SEMA3D: variants seen among roughly 807,000 people sequenced by gnomAD.
SEMA3D encodes the protein semaphorin-3D.
SEMA3D carries 84 observed loss-of-function variants against 100.1 expected under a neutral mutation model. The observed-to-expected ratio is 0.84, with a 90% CI of 0.70 to 1.01. The LOEUF is 1.01. Among genes scored for constraint, SEMA3D ranks in the 50% least tolerant of loss-of-function variants. The probability of loss-of-function intolerance (pLI) is 0.00; values close to 1 mark genes in which losing one functional copy is unlikely to be tolerated. For missense variants in SEMA3D, 875 were observed against 934.1 expected, an observed-to-expected ratio of 0.94 and a Z score of 0.82; for synonymous variants, 312 against 320.7, an observed-to-expected ratio of 0.97 and a Z score of 0.29.
chr7:85,189,473 A>G (rs1791646192), upstream of SEMA3D, among the ~76,000 whole-genome samples: 1 of 152,112 alleles, frequency 6.6e-6, no homozygotes, highest in Admixed American at 6.6e-5. Flanking sequence ...ACCCAGTGGG[A>G]AAAAAAGTAT....
At chr7:85,084,999 T>G (rs1788176361) in intron 4 of SEMA3D, among the ~76,000 whole-genome samples, 1 of 152,184 alleles carries the variant, frequency 6.6e-6, no homozygotes, top group African/African-American at 2.4e-5. Context: ...CTGGGTAGTA[T>G]TCCATAGTGT....
the SEMA3D span, among the ~76,000 whole-genome samples, chr7:85,244,602 T>G: frequency 6.2e-4 from 95 of 152,092 alleles, 1 homozygote; most frequent in African/African-American, 2.2e-3. Flanking sequence ...CAGTCTAAAG[T>G]AGGAAGCAAA....
chr7:85,079,977 T>C (rs1185624771), intron 5 of SEMA3D, among the ~76,000 whole-genome samples: 1 of 152,190 alleles, frequency 6.6e-6, no homozygotes, highest in African/African-American at 2.4e-5. Flanking sequence ...AGGAGAAGAA[T>C]ACATTACAGA....
At position 85,071,448 on chromosome 7, in the gene SEMA3D, CA is replaced by C. The variant is rs559598518; in HGVS notation, c.495+1513del. Among the ~76,000 whole-genome samples, 10 of 152,282 alleles carry C rather than the reference CA, an allele frequency of 6.6e-5. No homozygotes were observed. In the South Asian group the frequency reaches 2.1e-3, roughly 32 times the overall value. On this transcript the variant is annotated intron_variant, in intron 6 of 18. Coordinates refer to ENST00000284136, the MANE Select transcript of SEMA3D (RefSeq NM_001384900.1). ...TAAGTCAATGTAAAGAAACCTTTTC[CA>C]TAAGCCCAGACTTTACTTTCAAAAA...
At chr7:85,135,328 TGG>T (rs1789827880) in intron 2 of SEMA3D, among the ~76,000 whole-genome samples, 1 of 152,114 alleles carries the variant, frequency 6.6e-6, no homozygotes, top group Admixed American at 6.6e-5. Flanking sequence ...TTCCCTCAAC[TGG>T]TTATGGTTTG....
At chr7:85,119,988 TCTTGC>T (rs1327291376) in intron 3 of SEMA3D, among the ~76,000 whole-genome samples, 1 of 149,614 alleles carries the variant, frequency 6.7e-6, no homozygotes, top group East Asian at 2.0e-4. Context: ...AGAGACAGGG[TCTTGC>T]ATACAATGAT....
intron 3 of SEMA3D, among the ~76,000 whole-genome samples, chr7:85,098,619 T>C (rs530247405): frequency 6.6e-6 from 1 of 151,994 alleles, no homozygotes; most frequent in African/African-American, 2.4e-5. Context: ...GCTTCTCCCA[T>C]CATCAGCATC....
intron 3 of SEMA3D, among the ~76,000 whole-genome samples, chr7:85,114,810 T>C (rs1343530131): frequency 6.6e-6 from 1 of 152,062 alleles, no homozygotes; most frequent in Non-Finnish European, 1.5e-5. Context: ...GAAAGATAAA[T>C]AAAACAAGAT....
At chr7:85,050,127 A>G (rs1268713542) in intron 9 of SEMA3D, among the ~76,000 whole-genome samples, 1 of 151,302 alleles carries the variant, frequency 6.6e-6, no homozygotes, top group Non-Finnish European at 1.5e-5. Context: ...ACACAGAGAC[A>G]GAGTAATAAA....
chr7:85,241,759 A>G, the SEMA3D span, among the ~76,000 whole-genome samples: 1 of 151,696 alleles, frequency 6.6e-6, no homozygotes, highest in Non-Finnish European at 1.5e-5. Flanking sequence ...AAAATCTCAC[A>G]AAATCACCAC....
At chr7:85,028,994 A>T in intron 12 of SEMA3D, 1 of 379,230 alleles carries the variant, frequency 2.6e-6, no homozygotes, top group Non-Finnish European at 5.3e-6. Flanking sequence ...AATGTTCAAG[A>T]TTTTCTGTTT....
At chr7:85,177,323 C>T (rs979628015) in intron 1 of SEMA3D, among the ~76,000 whole-genome samples, 7 of 151,906 alleles carry the variant, frequency 4.6e-5, no homozygotes, top group Admixed American at 1.3e-4. Context: ...AGGTAGAAGC[C>T]TCTTGGGTAT....
At chr7:85,127,964 C>A (rs76118579) in intron 2 of SEMA3D, among the ~76,000 whole-genome samples, 1 of 151,264 alleles carries the variant, frequency 6.6e-6, no homozygotes, top group African/African-American at 2.4e-5. Context: ...AAACATAAAT[C>A]GGTTGTTTTT....
At chr7:85,123,370 A>C (rs1008457752) in intron 2 of SEMA3D, among the ~76,000 whole-genome samples, 2 of 152,166 alleles carry the variant, frequency 1.3e-5, no homozygotes, top group Non-Finnish European at 2.9e-5. Context: ...AAAAAGCATT[A>C]GACTTTAAGT....
chr7:85,200,746 G>T, the SEMA3D span, among the ~76,000 whole-genome samples: 1 of 152,172 alleles, frequency 6.6e-6, no homozygotes, highest in South Asian at 2.1e-4. Context: ...CATGATAGAG[G>T]TCTTCAGGGC....
the SEMA3D span, among the ~76,000 whole-genome samples, chr7:85,218,286 T>A: frequency 1.3e-5 from 2 of 152,152 alleles, no homozygotes; most frequent in African/African-American, 2.4e-5. Flanking sequence ...TTAATATATA[T>A]GTATTTATTT....
the SEMA3D span, among the ~76,000 whole-genome samples, chr7:85,242,177 A>C: frequency 6.6e-6 from 1 of 152,124 alleles, no homozygotes; most frequent in Non-Finnish European, 1.5e-5. Context: ...TTTCATTTTC[A>C]TACATTTCTA....
At chr7:85,157,746 T>C (rs1017027659) in intron 1 of SEMA3D, 1 of 461,964 alleles carries the variant, frequency 2.2e-6, no homozygotes, top group African/African-American at 2.1e-5. Flanking sequence ...CACCCAACAG[T>C]CTTCACGTTT....
At chr7:85,196,151 G>A in the SEMA3D span, among the ~76,000 whole-genome samples, 33 of 152,136 alleles carry the variant, frequency 2.2e-4, no homozygotes, top group East Asian at 3.3e-3. Context: ...TTTTTCCCCC[G>A]CAACATTTCT....
Sources: gnomAD v4.1 joint callset for allele counts (sites outside exome capture counted in the v4.1 genomes callset) on GRCh38, gnomAD v4.1.1 for gene constraint, MANE v1.5 for transcripts, NCBI Gene and HGNC (gene_info 2026-07-23, HGNC 2026-07-21) for gene names.